SLC35D4: variants seen among roughly 807,000 people sequenced by gnomAD.
The protein encoded by SLC35D4 is UDP-N-acetylglucosamine transporter SLC35D4.
the SLC35D4 span, among the ~76,000 whole-genome samples, chr18:23,249,982 T>G: frequency 6.6e-6 from 1 of 152,090 alleles, no homozygotes; most frequent in Non-Finnish European, 1.5e-5. Context: ...TTCACTTTTC[T>G]GAGCCTCTGT....
the SLC35D4 span, among the ~76,000 whole-genome samples, chr18:23,321,737 G>C: frequency 1.3e-5 from 2 of 152,178 alleles, no homozygotes; most frequent in Non-Finnish European, 2.9e-5. Context: ...TTACAGGTGT[G>C]AGCCACCACA....
chr18:23,265,077 C>G, the SLC35D4 span, among the ~76,000 whole-genome samples: 1 of 152,180 alleles, frequency 6.6e-6, no homozygotes, highest in Non-Finnish European at 1.5e-5. Flanking sequence ...TTAGGAATTA[C>G]TTTTCAACAT....
chr18:23,336,622 A>G, the SLC35D4 span, among the ~76,000 whole-genome samples: 2 of 152,220 alleles, frequency 1.3e-5, no homozygotes, highest in Non-Finnish European at 2.9e-5. Context: ...ATAACAACTG[A>G]AGGAAGAAAA....
At chr18:23,288,865 G>A in the SLC35D4 span, among the ~76,000 whole-genome samples, 3 of 152,088 alleles carry the variant, frequency 2.0e-5, no homozygotes, top group Non-Finnish European at 2.9e-5. Flanking sequence ...AAGGTAGAAC[G>A]GACTAATGGT....
At chr18:23,326,516 T>C in the SLC35D4 span, among the ~76,000 whole-genome samples, 1 of 152,160 alleles carries the variant, frequency 6.6e-6, no homozygotes, top group Non-Finnish European at 1.5e-5. Flanking sequence ...CCTAAATATA[T>C]ATGCACCCAA....
At chr18:23,303,396 A>G in the SLC35D4 span, among the ~76,000 whole-genome samples, 2 of 152,232 alleles carry the variant, frequency 1.3e-5, no homozygotes, top group South Asian at 2.1e-4. Flanking sequence ...AGGGCATACC[A>G]TAAAGTTCAC....
chr18:23,316,968 A>G, the SLC35D4 span, among the ~76,000 whole-genome samples: 1 of 152,196 alleles, frequency 6.6e-6, no homozygotes, highest in African/African-American at 2.4e-5. Flanking sequence ...TGAAGCTCAC[A>G]GAGGAGAACT....
At chr18:23,387,518 C>G in the SLC35D4 span, among the ~76,000 whole-genome samples, 2 of 152,160 alleles carry the variant, frequency 1.3e-5, no homozygotes, top group African/African-American at 4.8e-5. Context: ...TGCAGAGGAC[C>G]AACCTGGGTA....
the SLC35D4 span, among the ~76,000 whole-genome samples, chr18:23,419,336 A>C: frequency 2.0e-5 from 3 of 151,658 alleles, no homozygotes; most frequent in African/African-American, 7.3e-5. Context: ...CTTACAACCC[A>C]GGCTGGAGTG....
chr18:23,310,082 C>G, the SLC35D4 span: 1 of 427,110 alleles, frequency 2.3e-6, no homozygotes, highest in East Asian at 1.6e-4. Context: ...ATTAAGAAAA[C>G]TCATTTCCAT....
the SLC35D4 span, among the ~76,000 whole-genome samples, chr18:23,419,761 T>G: frequency 6.6e-6 from 1 of 152,032 alleles, no homozygotes; most frequent in Non-Finnish European, 1.5e-5. Context: ...CAGTATTGTA[T>G]CAATGTTAAT....
the SLC35D4 span, among the ~76,000 whole-genome samples, chr18:23,434,275 T>C: frequency 1.3e-5 from 2 of 152,158 alleles, no homozygotes; most frequent in African/African-American, 4.8e-5. Context: ...CCTTCTTTCC[T>C]GCCTTCTGCT....
At chr18:23,346,836 T>C in the SLC35D4 span, among the ~76,000 whole-genome samples, 1 of 152,250 alleles carries the variant, frequency 6.6e-6, no homozygotes, top group Non-Finnish European at 1.5e-5. Flanking sequence ...TTAATTTTTG[T>C]ATGTTAAACC....
chr18:23,407,829 AT>A, the SLC35D4 span, among the ~76,000 whole-genome samples: 1 of 152,202 alleles, frequency 6.6e-6, no homozygotes, highest in Non-Finnish European at 1.5e-5. Context: ...GGCTGCATTT[AT>A]CAAAAGCCTC....
chr18:23,354,156 A>G, the SLC35D4 span, among the ~76,000 whole-genome samples: 3 of 152,080 alleles, frequency 2.0e-5, no homozygotes, highest in African/African-American at 7.2e-5. Context: ...AGGCAGGACA[A>G]CTGAGGAAGA....
the SLC35D4 span, among the ~76,000 whole-genome samples, chr18:23,342,236 T>A: frequency 6.6e-6 from 1 of 152,222 alleles, no homozygotes; most frequent in Non-Finnish European, 1.5e-5. Context: ...AGTCAATTTC[T>A]TTCTCTAAGA....
the SLC35D4 span, among the ~76,000 whole-genome samples, chr18:23,357,994 T>C: frequency 6.6e-6 from 1 of 152,138 alleles, no homozygotes; most frequent in South Asian, 2.1e-4. Context: ...AGTTGTCATT[T>C]AGTGTGCGAA....
At chr18:23,246,427 T>G in the SLC35D4 span, among the ~76,000 whole-genome samples, 3 of 152,096 alleles carry the variant, frequency 2.0e-5, no homozygotes, top group African/African-American at 7.2e-5. Flanking sequence ...AGTCTTGCTC[T>G]GTCGCCCAGG....
At chr18:23,352,182 C>T in the SLC35D4 span, 1 of 1,594,858 alleles carries the variant, frequency 6.3e-7, no homozygotes, top group South Asian at 1.1e-5. Flanking sequence ...TTTCCCACCC[C>T]TCTTGTCTCT....
Sources: gnomAD v4.1 joint callset for allele counts (sites outside exome capture counted in the v4.1 genomes callset) on GRCh38, gnomAD v4.1.1 for gene constraint, MANE v1.5 for transcripts, NCBI Gene and HGNC (gene_info 2026-07-23, HGNC 2026-07-21) for gene names.